Variants in GTPBP10 observed in about 807,000 individuals in gnomAD.
GTPBP10 encodes GTP binding protein 10, also known as GTP-binding protein 10.
A neutral mutation model predicts 44.8 loss-of-function variants in GTPBP10; 38 were observed. The ratio of observed to expected loss-of-function variants is 0.85; its 90% CI spans 0.65 to 1.11. The LOEUF (loss-of-function observed/expected upper bound fraction) is 1.11, where lower values mean the gene tolerates loss of function less well. Ranked by LOEUF, GTPBP10 falls within the 50% of genes most tolerant of loss-of-function variation. The probability of loss-of-function intolerance (pLI) is 0.00; values close to 1 mark genes in which losing one functional copy is unlikely to be tolerated. For synonymous variants in GTPBP10, 152 were observed against 150.6 expected (o/e 1.01, Z -0.07); for missense variants, 462 against 453.7 (o/e 1.02, Z -0.17).
In GTPBP10 at chr7:90,363,495, G is replaced by A. The variant is rs540851348; in HGVS notation, c.464+8265G>A. 1.8e-4 allele frequency among the ~76,000 whole-genome samples: 28 copies of A among 152,282 alleles called. No individual in the cohort carries two copies. In the East Asian group the frequency reaches 3.5e-3, roughly 19 times the overall value. On this transcript the variant is annotated intron_variant, in intron 4 of 9. Transcript: ENST00000222511. ...TCTTCTGGCTTTTAGAGTTTCTGCC[G>A]AGAGATCAGCTGTTAGTGTGATGAG...
At position 90,389,411 on chromosome 7, in the gene GTPBP10, G is replaced by A. The variant is rs932807522; in HGVS notation, c.*4257G>A. The A allele has an allele frequency of 1.3e-5, 2 of 151,142 alleles. No homozygotes were observed. Among genetic ancestry groups the A allele is most frequent in the Non-Finnish European group, 1.5e-5 (1 of 67,916 alleles). The allele number at this position is 151,142 out of a possible 1,614,324, so 9.4% of individuals were successfully genotyped here. On this transcript the variant is annotated 3_prime_UTR_variant, in exon 10 of 10. Coordinates refer to ENST00000222511, the MANE Select transcript of GTPBP10 (RefSeq NM_033107.4). ...AATTTTTTTTTTTCCCCCCCCAGAC[G>A]GAGTCTCGCTCTCTTGCCAGGCTGG...
rs1796614753 is a variant in GTPBP10 at position 90,391,427 on chromosome 7, A to G, written c.*6273A>G. On this transcript the variant is annotated 3_prime_UTR_variant, in exon 10 of 10. Coordinates refer to ENST00000222511, the MANE Select transcript of GTPBP10 (RefSeq NM_033107.4). The stretch of plus-strand genomic sequence containing the variant: ...AATATTAAATTGGGCCAATTAATAT[A>G]TTGTAATAAAAGCTATGTTAATGTG... 1 of 152,180 alleles carries G rather than the reference A, an allele frequency of 6.6e-6. No homozygotes were observed. Among genetic ancestry groups the G allele is most frequent in the African/African-American group, 2.4e-5 (1 of 41,438 alleles). 9.4% of individuals were successfully genotyped at this position (152,180 alleles called of 1,614,324 possible).
chr7:90,349,761 G>C (rs1795751599), intron 1 of GTPBP10, among the ~76,000 whole-genome samples: 1 of 152,034 alleles, frequency 6.6e-6, no homozygotes, highest in Non-Finnish European at 1.5e-5. Context: ...CCAGAATAGG[G>C]TACTTTCATC....
At position 90,367,036 on chromosome 7, in the gene GTPBP10, C is replaced by T. The variant is rs540255616; in HGVS notation, c.465-5119C>T. Among the ~76,000 whole-genome samples, 48 of 152,230 alleles carry T rather than the reference C, an allele frequency of 3.2e-4. No homozygotes were observed. The East Asian group carries it at 6.8e-3, about 21-fold the overall frequency. On this transcript the variant is annotated intron_variant, in intron 4 of 9. Coordinates refer to ENST00000222511, the MANE Select transcript of GTPBP10 (RefSeq NM_033107.4). ...AACATCTTTATTTCTGCCTTCATTT[C>T]GTTATGTACCCAGTAGTCATTCAGG...
chr7:90,368,631 T>G (rs1269824826), intron 4 of GTPBP10, among the ~76,000 whole-genome samples: 1 of 152,244 alleles, frequency 6.6e-6, no homozygotes, highest in Non-Finnish European at 1.5e-5. Context: ...TGCTGTGGTT[T>G]TGAACTCCAT....
rs1051137935 is a variant in GTPBP10 at position 90,368,964 on chromosome 7, C to T, written c.465-3191C>T. On this transcript the variant is annotated intron_variant, in intron 4 of 9. Coordinates refer to ENST00000222511, the MANE Select transcript of GTPBP10 (RefSeq NM_033107.4). ...TTTGGTCTTTGATGTTGGTGACCTACGATGAGGTTTTGGTGTGCATGTGCT... is the reference window on the plus strand; with the variant it reads ...TTTGGTCTTTGATGTTGGTGACCTATGATGAGGTTTTGGTGTGCATGTGCT... Among the ~76,000 whole-genome samples, 8 of 152,240 alleles carry T rather than the reference C, an allele frequency of 5.3e-5. No homozygotes were observed. The South Asian group carries it at 1.2e-3, about 24-fold the overall frequency.
At chr7:90,375,529 TA>T (rs1404604285) in intron 6 of GTPBP10, among the ~76,000 whole-genome samples, 2 of 152,130 alleles carry the variant, frequency 1.3e-5, no homozygotes, top group Admixed American at 6.5e-5. Context: ...CAGTAAAAGA[TA>T]AAACCAGTTA....
At chr7:90,362,654 T>C (rs1796048228) in intron 4 of GTPBP10, among the ~76,000 whole-genome samples, 1 of 152,204 alleles carries the variant, frequency 6.6e-6, no homozygotes, top group African/African-American at 2.4e-5. Flanking sequence ...TAGGTCCTCA[T>C]GGTGCAGAGC....
chr7:90,365,521 G>A (rs111907708), intron 4 of GTPBP10, among the ~76,000 whole-genome samples: 2,292 of 150,192 alleles, frequency 0.015, 58 homozygotes, highest in African/African-American at 0.051. Flanking sequence ...GACTACAGGC[G>A]CCCGCCACTA....
intron 1 of GTPBP10, 138 bp downstream of exon 1, chr7:90,346,912 G>A: frequency 2.2e-6 from 2 of 916,046 alleles, no homozygotes; most frequent in Non-Finnish European, 3.5e-6. Context: ...CGCCCCTCCT[G>A]TAGTGGCGCT....
chr7:90,355,033 A>T, intron 3 of GTPBP10, 53 bp from the exon 4 acceptor site: 2 of 1,157,158 alleles, frequency 1.7e-6, no homozygotes, highest in Non-Finnish European at 1.2e-6. Flanking sequence ...ATATTGCATT[A>T]GTGATTTCAC....
intron 8 of GTPBP10, among the ~76,000 whole-genome samples, chr7:90,381,518 A>G (rs1372883818): frequency 2.6e-5 from 4 of 152,234 alleles, no homozygotes; most frequent in Admixed American, 1.3e-4. Context: ...CACAATCCAT[A>G]TCAAAATTCT....
At chr7:90,373,425 C>G (rs1260520788) in intron 5 of GTPBP10, among the ~76,000 whole-genome samples, 1 of 152,122 alleles carries the variant, frequency 6.6e-6, no homozygotes, top group Non-Finnish European at 1.5e-5. Context: ...ATGATAAGAT[C>G]TCTGCCATCA....
chr7:90,374,697 C>A (rs562858550), intron 6 of GTPBP10, among the ~76,000 whole-genome samples: 5 of 151,824 alleles, frequency 3.3e-5, no homozygotes, highest in Non-Finnish European at 7.4e-5. Context: ...GATTTTATTC[C>A]AACTTTTCTT....
At chr7:90,358,845 T>A (rs1335790679) in intron 4 of GTPBP10, among the ~76,000 whole-genome samples, 1 of 152,158 alleles carries the variant, frequency 6.6e-6, no homozygotes, top group Non-Finnish European at 1.5e-5. Flanking sequence ...ATTTGCAAAC[T>A]ACGCATCTAA....
chr7:90,348,345 C>T (rs2115579000), intron 1 of GTPBP10, among the ~76,000 whole-genome samples: 1 of 152,204 alleles, frequency 6.6e-6, no homozygotes, highest in South Asian at 2.1e-4. Flanking sequence ...ACTTTCAACT[C>T]CCCCCACAAA....
At chr7:90,374,876 C>G (rs1357291382) in intron 6 of GTPBP10, among the ~76,000 whole-genome samples, 1 of 152,112 alleles carries the variant, frequency 6.6e-6, no homozygotes, top group Admixed American at 6.6e-5. Context: ...AGTTGTGCTC[C>G]TTAGCATTTA....
rs904970826 is a variant in GTPBP10 at position 90,385,099 on chromosome 7, C to G, written c.1109C>G (p.Ser370Cys). 6.2e-7 allele frequency: 1 copy of G among 1,612,326 alleles called. No homozygotes were observed. Among genetic ancestry groups the G allele is most frequent in the African/African-American group, 1.3e-5 (1 of 74,874 alleles). Residue 370 changes from serine (S) to cysteine (C), a missense_variant, in exon 10 of 10, where the codon TCT becomes TGT. By Grantham distance (112) the Ser-to-Cys change is moderately radical. Coordinates refer to ENST00000222511, the MANE Select transcript of GTPBP10 (RefSeq NM_033107.4). ...TTGTGGATTTCTGATACAATGTCTTCTACTGAGCCACCATCAAAGCATGCT... is the reference window on the plus strand; with the variant it reads ...TTGTGGATTTCTGATACAATGTCTTGTACTGAGCCACCATCAAAGCATGCT... ...LNLWISDTMSSTEPPSKHAVT... is the reference protein window; with the variant it reads ...LNLWISDTMSCTEPPSKHAVT...
intron 5 of GTPBP10, among the ~76,000 whole-genome samples, chr7:90,372,531 T>G (rs1328970701): frequency 6.8e-6 from 1 of 147,554 alleles, no homozygotes; most frequent in Non-Finnish European, 1.5e-5. Flanking sequence ...TTGCCCAGGC[T>G]GGTCTTGAAC....
Sources: allele counts gnomAD v4.1 joint callset (sites outside exome capture counted in the v4.1 genomes callset), GRCh38; gene constraint gnomAD v4.1.1; transcripts MANE v1.5; gene names NCBI Gene and HGNC (gene_info 2026-07-23, HGNC 2026-07-21).